Variants in FOXP2 observed in about 807,000 individuals in gnomAD.
FOXP2 encodes forkhead box protein P2.
Under a neutral mutation model 115.8 loss-of-function variants are expected in FOXP2, and 12 were observed. The ratio of observed to expected loss-of-function variants is 0.10; its 90% CI spans 0.07 to 0.17. FOXP2 has a LOEUF of 0.17. Ranked by LOEUF, FOXP2 falls within the 10% of genes least tolerant of loss-of-function variation. FOXP2 has a pLI of 1.00. For synonymous variants in FOXP2, 328 were observed against 297.7 expected (o/e 1.10, Z -1.05); for missense variants, 629 against 843.5 (o/e 0.75, Z 3.15).
At chr7:114,215,784 C>A (rs1177031399) in intron 1 of FOXP2, among the ~76,000 whole-genome samples, 1 of 152,014 alleles carries the variant, frequency 6.6e-6, no homozygotes, top group African/African-American at 2.4e-5. Context: ...ATATAGATTT[C>A]TACCCCCACT....
At chr7:114,648,894 T>C (rs1806072017) in intron 8 of FOXP2, among the ~76,000 whole-genome samples, 1 of 152,066 alleles carries the variant, frequency 6.6e-6, no homozygotes, top group Non-Finnish European at 1.5e-5. Context: ...TTTCTTCACC[T>C]CTCTGTTTGA....
chr7:114,374,053 T>A (rs1342534201), intron 2 of FOXP2, among the ~76,000 whole-genome samples: 3 of 152,240 alleles, frequency 2.0e-5, no homozygotes, highest in African/African-American at 7.2e-5. Context: ...ATATTAGTGA[T>A]ATAACTGTCT....
At chr7:114,627,885 A>G (rs1454769606) in intron 3 of FOXP2, among the ~76,000 whole-genome samples, 1 of 152,074 alleles carries the variant, frequency 6.6e-6, no homozygotes, top group Non-Finnish European at 1.5e-5. Flanking sequence ...TTCTTCTTTC[A>G]GAAGACCTAT....
chr7:114,504,550 A>G (rs1217657380), intron 2 of FOXP2, among the ~76,000 whole-genome samples: 2 of 151,752 alleles, frequency 1.3e-5, no homozygotes, highest in Non-Finnish European at 3.0e-5. Context: ...CTAAAGTTAT[A>G]TAAAGTGTTT....
chr7:114,592,393 A>G (rs184825985), intron 3 of FOXP2, among the ~76,000 whole-genome samples: 1 of 152,124 alleles, frequency 6.6e-6, no homozygotes, highest in African/African-American at 2.4e-5. Context: ...TTACCATAAC[A>G]AGAGTTCCAA....
chr7:114,529,788 T>TA (rs1799051771), intron 2 of FOXP2, among the ~76,000 whole-genome samples: 1 of 151,800 alleles, frequency 6.6e-6, no homozygotes, highest in Non-Finnish European at 1.5e-5. Flanking sequence ...TTTCTTCTAT[T>TA]AAATAACATT....
chr7:114,276,704 C>G (rs1796198014), intron 1 of FOXP2, among the ~76,000 whole-genome samples: 1 of 152,034 alleles, frequency 6.6e-6, no homozygotes, highest in African/African-American at 2.4e-5. Flanking sequence ...GATAGGACTC[C>G]TTGGTTTTAT....
chr7:114,644,213 A>G (rs1805743359), intron 7 of FOXP2, among the ~76,000 whole-genome samples: 1 of 152,190 alleles, frequency 6.6e-6, no homozygotes, highest in Non-Finnish European at 1.5e-5. Context: ...AATCAGGTGT[A>G]ACTAGTAGAA....
intron 2 of FOXP2, among the ~76,000 whole-genome samples, chr7:114,444,740 A>G (rs768783669): frequency 1.3e-5 from 2 of 152,138 alleles, no homozygotes; most frequent in Non-Finnish European, 2.9e-5. Flanking sequence ...ATTCTGTATA[A>G]CAGTTTTAAA....
chr7:114,133,021 C>T (rs373611463), intron 1 of FOXP2, among the ~76,000 whole-genome samples: 3 of 152,058 alleles, frequency 2.0e-5, no homozygotes, highest in Non-Finnish European at 2.9e-5. Flanking sequence ...GGGACGAAAC[C>T]GGTTAGGATT....
chr7:114,499,536 C>T (rs1797470424), intron 2 of FOXP2: 1 of 152,126 alleles, frequency 6.6e-6, no homozygotes, highest in South Asian at 2.1e-4. Flanking sequence ...TTGTGAGCAA[C>T]TTACTTCCTT....
chr7:114,358,366 A>G (rs1791664602), intron 2 of FOXP2, among the ~76,000 whole-genome samples: 1 of 152,196 alleles, frequency 6.6e-6, no homozygotes, highest in Non-Finnish European at 1.5e-5. Context: ...GAACTAATAC[A>G]GTAAATTGGC....
At chr7:114,337,694 G>A (rs745709822) in intron 2 of FOXP2, among the ~76,000 whole-genome samples, 41 of 151,158 alleles carry the variant, frequency 2.7e-4, no homozygotes, top group Non-Finnish European at 5.3e-4. Context: ...ATTAATTGCT[G>A]TGCTAAAAAT....
At chr7:114,492,821 T>G (rs966319347) in intron 2 of FOXP2, among the ~76,000 whole-genome samples, 7 of 152,194 alleles carry the variant, frequency 4.6e-5, no homozygotes, top group Non-Finnish European at 1.0e-4. Context: ...TGAGGAGTGC[T>G]TTACTTCCAA....
chr7:114,349,982 C>A (rs1385420783), intron 2 of FOXP2, among the ~76,000 whole-genome samples: 1 of 151,838 alleles, frequency 6.6e-6, no homozygotes, highest in East Asian at 1.9e-4. Context: ...GAATTCTGAA[C>A]TAATACAAAG....
chr7:114,377,154 A>T (rs545174777), intron 2 of FOXP2, among the ~76,000 whole-genome samples: 63 of 152,266 alleles, frequency 4.1e-4, no homozygotes, highest in Non-Finnish European at 6.5e-4. Context: ...TGTTTAAAAG[A>T]GTGATGGATG....
At chr7:114,152,471 CTT>C (rs1395864783) in intron 1 of FOXP2, among the ~76,000 whole-genome samples, 1 of 152,184 alleles carries the variant, frequency 6.6e-6, no homozygotes, top group Non-Finnish European at 1.5e-5. Context: ...AAATAAATCT[CTT>C]TTACATGCTT....
At chr7:114,161,335 T>C (rs918657465), upstream of FOXP2, among the ~76,000 whole-genome samples, 1 of 152,170 alleles carries the variant, frequency 6.6e-6, no homozygotes, top group Non-Finnish European at 1.5e-5. Context: ...CTTGAAATAA[T>C]TTTGAGATAT....
chr7:114,396,412 T>C (rs901094717), intron 2 of FOXP2, among the ~76,000 whole-genome samples: 1 of 152,164 alleles, frequency 6.6e-6, no homozygotes, highest in African/African-American at 2.4e-5. Flanking sequence ...GCACTTTGGT[T>C]GATTCTATGT....
Sources: gnomAD v4.1 joint callset for allele counts (sites outside exome capture counted in the v4.1 genomes callset) on GRCh38, gnomAD v4.1.1 for gene constraint, MANE v1.5 for transcripts, NCBI Gene and HGNC (gene_info 2026-07-23, HGNC 2026-07-21) for gene names.